The following MAPK6 variants were observed in gnomAD, a reference collection of about 807,000 sequenced individuals.
MAPK6 encodes the protein mitogen-activated protein kinase 6, also known as ERK-3.
A neutral mutation model predicts 59.3 loss-of-function variants in MAPK6; 19 were observed. The ratio of observed to expected loss-of-function variants is 0.32; its 90% confidence interval spans 0.22 to 0.47. The LOEUF (loss-of-function observed/expected upper bound fraction) is 0.47, where lower values mean the gene tolerates loss of function less well. MAPK6 is among the 20% of genes least tolerant of loss of function. MAPK6 has a pLI of 1.00. For synonymous variants in MAPK6, 316 were observed against 290.3 expected (o/e 1.09, Z -0.90); for missense variants, 724 against 847.9 (o/e 0.85, Z 1.81).
At chr15:52,004,840 T>C (rs1194616170) in intron 3 of MAPK6, among the ~76,000 whole-genome samples, 2 of 152,174 alleles carry the variant, frequency 1.3e-5, no homozygotes, top group Non-Finnish European at 2.9e-5. Context: ...GGGGATTAAG[T>C]TGCCAACATA....
intron 1 of MAPK6, among the ~76,000 whole-genome samples, chr15:52,042,412 C>G (rs546937057): frequency 6.6e-6 from 1 of 152,322 alleles, no homozygotes; most frequent in East Asian, 1.9e-4. Flanking sequence ...GGCAAAGCTC[C>G]TACCTTCCCT....
At chr15:52,015,882 A>AC (rs2030223233), upstream of MAPK6, among the ~76,000 whole-genome samples, 1 of 126,630 alleles carries the variant, frequency 7.9e-6, no homozygotes, top group Admixed American at 8.1e-5. Context: ...ACATGGTGAA[A>AC]CCCCCTCTCT....
intron 4 of MAPK6, among the ~76,000 whole-genome samples, chr15:52,061,068 AATCAGGTAAGTTTT>A (rs1429449284): frequency 6.6e-6 from 1 of 152,156 alleles, no homozygotes; most frequent in Non-Finnish European, 1.5e-5. Flanking sequence ...TTAAGTTGTA[AATCAGGTAAGTTTT>A]ATTTCTGACA....
chr15:52,043,742 ATTTTTTTTTTTT>A (rs71130125), intron 1 of MAPK6, among the ~76,000 whole-genome samples: 21 of 40,660 alleles, frequency 5.2e-4, no homozygotes, highest in East Asian at 8.2e-4. Flanking sequence ...AAGTTGTTTG[ATTTTTTTTTTTT>A]TTTTTTTTTT....
intron 2 of MAPK6, among the ~76,000 whole-genome samples, chr15:52,047,696 C>T (rs1385549163): frequency 2.7e-5 from 4 of 149,162 alleles, no homozygotes; most frequent in Non-Finnish European, 5.9e-5. Flanking sequence ...CTGTGTTGCT[C>T]AGGCTGGTGT....
intron 3 of MAPK6, among the ~76,000 whole-genome samples, chr15:52,053,400 C>G (rs1296740236): frequency 6.6e-6 from 1 of 151,972 alleles, no homozygotes; most frequent in Non-Finnish European, 1.5e-5. Context: ...ATTTGCATTT[C>G]CCTAATAACT....
chr15:52,021,277 G>T (rs756421628), intron 1 of MAPK6, among the ~76,000 whole-genome samples: 2 of 152,108 alleles, frequency 1.3e-5, no homozygotes, highest in Non-Finnish European at 2.9e-5. Context: ...AAGGGGATGG[G>T]GGTCGGGTAG....
At chr15:51,992,682 G>A (rs1245582215) in intron 2 of MAPK6, among the ~76,000 whole-genome samples, 1 of 152,106 alleles carries the variant, frequency 6.6e-6, no homozygotes, top group South Asian at 2.1e-4. Context: ...TATAAAGTGG[G>A]GTTTCCATGA....
upstream of MAPK6, among the ~76,000 whole-genome samples, chr15:52,016,077 C>A (rs1475894904): frequency 3.7e-5 from 5 of 135,158 alleles, no homozygotes; most frequent in African/African-American, 8.6e-5. Flanking sequence ...CGCGCACACA[C>A]ACACACACAC....
intron 1 of MAPK6, among the ~76,000 whole-genome samples, chr15:52,022,858 C>G (rs1228134066): frequency 6.6e-6 from 1 of 152,134 alleles, no homozygotes; most frequent in East Asian, 1.9e-4. Flanking sequence ...CGCTTGTAAT[C>G]CCAGCACTTT....
intron 3 of MAPK6, chr15:52,011,236 T>A (rs1355253143): frequency 1.3e-5 from 2 of 152,214 alleles, no homozygotes; most frequent in Non-Finnish European, 2.9e-5. Flanking sequence ...ATGATTTTTT[T>A]GTTTTTAGAA....
Position 52,033,918 on chromosome 15 carries a change from A to C in MAPK6, c.-631-11912A>C, listed in dbSNP as rs567778537. ...TGATAAATCAGCTATCATTCTTATT[A>C]TTCTTCTCCAGTATATACTTTATCT... On this transcript the variant is annotated intron_variant, in intron 1 of 5. Transcript: ENST00000261845. The C allele has an allele frequency of 2.0e-5, 3 of 148,830 alleles. No individual in the cohort carries two copies. In the South Asian group the frequency reaches 6.4e-4, roughly 32 times the overall value. The allele number at this position is 148,830 out of a possible 1,614,324, so 9.2% of individuals were successfully genotyped here. A position where few individuals can be genotyped will look rare whatever the true frequency, so the allele number is the denominator to read the frequency against.
intron 2 of MAPK6, among the ~76,000 whole-genome samples, chr15:52,001,808 C>T (rs1209759871): frequency 6.6e-6 from 1 of 152,062 alleles, no homozygotes; most frequent in Non-Finnish European, 1.5e-5. Flanking sequence ...CACTCCTGGC[C>T]GCATGTAGCC....
intron 1 of MAPK6, among the ~76,000 whole-genome samples, chr15:52,030,708 C>T (rs1409295347): frequency 1.4e-5 from 2 of 145,004 alleles, no homozygotes; most frequent in Non-Finnish European, 3.0e-5. Context: ...CTCAGTGCAA[C>T]CTGCGCTTCC....
intron 1 of MAPK6, among the ~76,000 whole-genome samples, chr15:52,039,506 T>C (rs897004668): frequency 6.9e-6 from 1 of 144,292 alleles, no homozygotes; most frequent in African/African-American, 2.5e-5. Flanking sequence ...GTGAGTGTTT[T>C]GTCTTTTTTT....
chr15:52,026,339 T>A (rs1595980699), intron 1 of MAPK6, among the ~76,000 whole-genome samples: 2 of 152,198 alleles, frequency 1.3e-5, no homozygotes, highest in Non-Finnish European at 2.9e-5. Flanking sequence ...TTGTTCAGGT[T>A]GGAGTGCAAT....
chr15:52,028,207 C>T (rs1407471142), intron 1 of MAPK6, among the ~76,000 whole-genome samples: 1 of 152,092 alleles, frequency 6.6e-6, no homozygotes, highest in African/African-American at 2.4e-5. Flanking sequence ...CCGCCTCGGC[C>T]TCCCAAAGTG....
intron 1 of MAPK6, among the ~76,000 whole-genome samples, chr15:52,023,034 G>C (rs1371720698): frequency 2.0e-5 from 3 of 146,424 alleles, no homozygotes; most frequent in African/African-American, 7.6e-5. Flanking sequence ...TTGAACCCGG[G>C]AGGCAGAGGT....
chr15:52,022,326 T>C (rs2030567184), intron 1 of MAPK6, among the ~76,000 whole-genome samples: 1 of 152,198 alleles, frequency 6.6e-6, no homozygotes, highest in African/African-American at 2.4e-5. Flanking sequence ...AGTGGTGCGA[T>C]CACTGTTCAC....
Sources: gnomAD v4.1 joint callset for allele counts (sites outside exome capture counted in the v4.1 genomes callset) on GRCh38, gnomAD v4.1.1 for gene constraint, MANE v1.5 for transcripts, NCBI Gene and HGNC (gene_info 2026-07-23, HGNC 2026-07-21) for gene names.